Variants in EFNA5 observed in about 807,000 individuals in gnomAD.
EFNA5 encodes the protein ephrin A5.
Under a neutral mutation model 22.9 loss-of-function variants are expected in EFNA5, and 5 were observed. The ratio of observed to expected loss-of-function variants is 0.22; its 90% confidence interval spans 0.11 to 0.46. The LOEUF (loss-of-function observed/expected upper bound fraction) is 0.46. EFNA5 is among the 20% of genes least tolerant of loss of function. The probability of loss-of-function intolerance (pLI) is 0.99; values close to 1 mark genes in which losing one functional copy is unlikely to be tolerated. For missense variants in EFNA5, 237 were observed against 293.3 expected (o/e 0.81, Z 1.40); for synonymous variants, 113 against 112.2 (o/e 1.01, Z -0.04).
Position 107,517,634 on chromosome 5 carries a change from C to T in EFNA5, c.126-90125G>A, listed in dbSNP as rs143174599. On this transcript the variant is annotated intron_variant, in intron 1 of 4. Coordinates refer to ENST00000333274, the MANE Select transcript of EFNA5 (RefSeq NM_001962.3). Reference sequence around the variant, plus strand: ...AGATATGAAAATCACTGGGAAACAACGTCAAACAAATTGCGCTGCATTATG... The same window carrying T: ...AGATATGAAAATCACTGGGAAACAATGTCAAACAAATTGCGCTGCATTATG... Among the ~76,000 whole-genome samples the T allele has an allele frequency of 3.4e-3, 513 of 152,278 alleles. 5 individuals are homozygous for T. Among genetic ancestry groups the T allele is most frequent in the South Asian group, 0.02 (97 of 4,826 alleles).
At chr5:107,516,945 T>C (rs1226383814) in intron 1 of EFNA5, among the ~76,000 whole-genome samples, 2 of 152,084 alleles carry the variant, frequency 1.3e-5, no homozygotes, top group Non-Finnish European at 2.9e-5. Context: ...AAGGCAAGTA[T>C]ATAGAGACAG....
rs10052756 is a variant in EFNA5 at position 107,662,248 on chromosome 5, T to C, written c.125+8241A>G. Among the ~76,000 whole-genome samples the C allele has an allele frequency of 8.0e-3, 1,211 of 152,244 alleles. 24 individuals carry two copies. The highest frequency in any genetic ancestry group is 0.027 in the African/African-American group (1,109 of 41,542). ...CATGTATCTGTTATTAAAACATGCA[T>C]TTATTGCCTTTACACTACATCTACA... is the stretch of plus-strand genomic sequence containing the variant. On this transcript the variant is annotated intron_variant, in intron 1 of 4. Transcript: ENST00000333274.
chr5:107,432,368 TG>T (rs1367727366), intron 1 of EFNA5, among the ~76,000 whole-genome samples: 6 of 152,244 alleles, frequency 3.9e-5, no homozygotes, highest in African/African-American at 1.4e-4. Flanking sequence ...ACAAATGCCA[TG>T]GGTAACACAG....
rs544665832 is a variant in EFNA5, at chr5:107,492,853, GCA to G, written c.126-65346_126-65345del. Among the ~76,000 whole-genome samples the G allele has an allele frequency of 2.9e-3, 440 of 152,124 alleles. 2 individuals are homozygous for G. Among genetic ancestry groups the G allele is most frequent in the African/African-American group, 8.7e-3 (361 of 41,494 alleles). Reference sequence around the variant, plus strand: ...GTCTCTACTAAAAATACAAAAATTAGCAGAGTGTGGTGGCGGGCACCTGTAAT... The same window carrying G: ...GTCTCTACTAAAAATACAAAAATTAGGAGTGTGGTGGCGGGCACCTGTAAT... On this transcript the variant is annotated intron_variant, in intron 1 of 4. Transcript: ENST00000333274.
At chr5:107,618,900 G>A (rs1749976858) in intron 1 of EFNA5, among the ~76,000 whole-genome samples, 1 of 151,954 alleles carries the variant, frequency 6.6e-6, no homozygotes, top group South Asian at 2.1e-4. Flanking sequence ...CATTCCCAAT[G>A]TGCCTATGCC....
chr5:107,499,015 G>C (rs971815030), intron 1 of EFNA5, among the ~76,000 whole-genome samples: 13 of 139,066 alleles, frequency 9.3e-5, no homozygotes, highest in African/African-American at 3.5e-4. Flanking sequence ...AGGAGTCTTT[G>C]ATTTCTTTTA....
chr5:107,471,264 C>G (rs185760779), intron 1 of EFNA5, among the ~76,000 whole-genome samples: 2 of 152,264 alleles, frequency 1.3e-5, no homozygotes, highest in Admixed American at 1.3e-4. Flanking sequence ...GCTGTGCAAA[C>G]TCCTACCTTC....
intron 1 of EFNA5, among the ~76,000 whole-genome samples, chr5:107,527,355 C>T (rs1258854897): frequency 1.3e-5 from 2 of 150,546 alleles, no homozygotes; most frequent in Non-Finnish European, 2.9e-5. Flanking sequence ...GGCGCAATCT[C>T]GGCTCACTGC....
At chr5:107,527,816 A>G (rs1258258874) in intron 1 of EFNA5, among the ~76,000 whole-genome samples, 1 of 152,170 alleles carries the variant, frequency 6.6e-6, no homozygotes, top group African/African-American at 2.4e-5. Flanking sequence ...GGAACATGTG[A>G]AAGGAAATGA....
chr5:107,398,563 G>A (rs1007967721), intron 2 of EFNA5, among the ~76,000 whole-genome samples: 7 of 151,998 alleles, frequency 4.6e-5, no homozygotes, highest in African/African-American at 1.5e-4. Context: ...AAAATCTGTC[G>A]AGGCCAGGCA....
At chr5:107,635,499 T>C (rs1241767892) in intron 1 of EFNA5, among the ~76,000 whole-genome samples, 1 of 152,174 alleles carries the variant, frequency 6.6e-6, no homozygotes, top group East Asian at 1.9e-4. Flanking sequence ...TTGGCAGTAT[T>C]TGAATTTGTA....
At chr5:107,487,411 C>T (rs1746662005) in intron 1 of EFNA5, among the ~76,000 whole-genome samples, 1 of 152,214 alleles carries the variant, frequency 6.6e-6, no homozygotes, top group Non-Finnish European at 1.5e-5. Context: ...GAGTGATTCA[C>T]TTTTGTTTCC....
In EFNA5 at chr5:107,487,977, GA is replaced by G. The variant is rs534788095; in HGVS notation, c.126-60469del. On this transcript the variant is annotated intron_variant, in intron 1 of 4. Transcript: ENST00000333274. The stretch of plus-strand genomic sequence containing the variant: ...GACTTAAAGGGGAGTATTGCCTATG[GA>G]AATGTGAAAATAGAAATCTAAGATG... 2.9e-4 allele frequency among the ~76,000 whole-genome samples: 44 copies of G among 152,304 alleles called. 2 individuals carry two copies. The South Asian group carries it at 8.9e-3, about 31-fold the overall frequency.
intron 1 of EFNA5, among the ~76,000 whole-genome samples, chr5:107,494,146 G>A (rs1241648777): frequency 2.0e-5 from 3 of 152,324 alleles, no homozygotes; most frequent in Admixed American, 6.5e-5. Context: ...CCACTTTGGC[G>A]GCACTTGAGG....
intron 1 of EFNA5, among the ~76,000 whole-genome samples, chr5:107,567,558 C>T (rs183634867): frequency 6.6e-6 from 1 of 152,272 alleles, no homozygotes; most frequent in African/African-American, 2.4e-5. Flanking sequence ...AGGATCCCAT[C>T]CACCCACCCC....
chr5:107,476,725 T>C (rs1422447802), intron 1 of EFNA5, among the ~76,000 whole-genome samples: 3 of 113,932 alleles, frequency 2.6e-5, no homozygotes, highest in African/African-American at 1.2e-4. Context: ...AAAATGTTTA[T>C]TTTTTCTCTT....
At chr5:107,384,446 A>G (rs1420348057) in intron 4 of EFNA5, among the ~76,000 whole-genome samples, 1 of 152,208 alleles carries the variant, frequency 6.6e-6, no homozygotes, top group African/African-American at 2.4e-5. Flanking sequence ...AGACAAATAC[A>G]TTCCAAAGAC....
chr5:107,595,081 C>T (rs1439794206), intron 1 of EFNA5, among the ~76,000 whole-genome samples: 2 of 151,840 alleles, frequency 1.3e-5, no homozygotes, highest in Non-Finnish European at 2.9e-5. Context: ...GTCATTGGTC[C>T]CCCCTTTAGT....
At chr5:107,496,336 C>CA (rs77916124) in intron 1 of EFNA5, among the ~76,000 whole-genome samples, 12,407 of 78,554 alleles carry the variant, frequency 0.16, 1,056 homozygotes, top group South Asian at 0.21. Flanking sequence ...AATTCCATCT[C>CA]AAAAAAAAAA....
Sources: allele counts gnomAD v4.1 joint callset (sites outside exome capture counted in the v4.1 genomes callset), GRCh38; gene constraint gnomAD v4.1.1; transcripts MANE v1.5; gene names NCBI Gene and HGNC (gene_info 2026-07-23, HGNC 2026-07-21).